The following RBFOX2 variants were observed in gnomAD, a reference collection of about 807,000 sequenced individuals.
The protein encoded by RBFOX2 is RNA binding protein fox-1 homolog 2.
RBFOX2 carries 10 observed loss-of-function variants against 49.1 expected under a neutral mutation model. That is an observed-to-expected ratio of 0.20 (90% CI 0.13 to 0.35). The LOEUF is 0.35. RBFOX2 is among the 10% of genes least tolerant of loss of function. The pLI is 1.00. For synonymous variants in RBFOX2, 183 were observed against 187.4 expected, an observed-to-expected ratio of 0.98 and a Z score of 0.19; for missense variants, 323 against 486.9, an observed-to-expected ratio of 0.66 and a Z score of 3.17.
chr22:35,969,117 T>G (rs935882607), intron 1 of RBFOX2, among the ~76,000 whole-genome samples: 1 of 152,146 alleles, frequency 6.6e-6, no homozygotes, highest in Non-Finnish European at 1.5e-5. Context: ...CAAGAGCCCC[T>G]CATACACTCT....
Position 35,969,955 on chromosome 22 carries a change from T to C in RBFOX2, c.187-31058A>G, listed in dbSNP as rs539602042. The stretch of plus-strand genomic sequence containing the variant: ...CAAATGGACTTGAGGCCATTTATCC[T>C]AGAGTTCTGATAAATTGTAGGAGAT... On this transcript the variant is annotated intron_variant, in intron 1 of 13. Transcript: ENST00000438146. Among the ~76,000 whole-genome samples, 100 of 152,212 alleles carry C rather than the reference T, an allele frequency of 6.6e-4. 1 individual carries two copies. The highest frequency in any genetic ancestry group is 1.1e-3 in the Non-Finnish European group (78 of 68,036).
At chr22:35,991,579 G>A (rs1207555574) in intron 1 of RBFOX2, among the ~76,000 whole-genome samples, 2 of 152,174 alleles carry the variant, frequency 1.3e-5, no homozygotes, top group African/African-American at 4.8e-5. Flanking sequence ...GAAGAGCAGA[G>A]GAGAACAGGG....
chr22:35,961,154 A>T lies in RBFOX2; in HGVS notation c.42+409T>A, dbSNP rs539839188. Among the ~76,000 whole-genome samples the T allele has an allele frequency of 3.9e-5, 6 of 152,188 alleles. No individual in the cohort carries two copies. In the East Asian group the frequency reaches 1.2e-3, roughly 29 times the overall value. On this transcript the variant is annotated intron_variant, in intron 1 of 5. Transcript: ENST00000408983. ...TTATTTATATACACCCATCCATATA[A>T]AAAAAATACCATCAGCAGGCATTAA...
At chr22:35,794,638 A>T (rs1270497902) in intron 2 of RBFOX2, among the ~76,000 whole-genome samples, 1 of 152,058 alleles carries the variant, frequency 6.6e-6, no homozygotes, top group Non-Finnish European at 1.5e-5. Context: ...AGCCTGGGTA[A>T]CAGAGTAAGA....
intron 2 of RBFOX2, among the ~76,000 whole-genome samples, chr22:35,808,262 T>C (rs1250279826): frequency 6.7e-6 from 1 of 149,560 alleles, no homozygotes; most frequent in African/African-American, 2.6e-5. Context: ...TCTCGTTTGT[T>C]ACCTATCAAG....
At chr22:35,835,256 T>C (rs979118524) in intron 1 of RBFOX2, among the ~76,000 whole-genome samples, 1 of 152,084 alleles carries the variant, frequency 6.6e-6, no homozygotes, top group Admixed American at 6.6e-5. Flanking sequence ...ACCAATAATG[T>C]CAGATCCCGG....
intron 1 of RBFOX2, among the ~76,000 whole-genome samples, chr22:35,827,933 G>A (rs1029610620): frequency 6.6e-6 from 1 of 152,130 alleles, no homozygotes; most frequent in South Asian, 2.1e-4. Context: ...TTGGGAGGCC[G>A]AGGTGGGCAG....
At chr22:35,840,085 A>T in intron 1 of RBFOX2, 1 of 1,451,580 alleles carries the variant, frequency 6.9e-7, no homozygotes, top group Non-Finnish European at 9.7e-7. Flanking sequence ...GGTCTGTTCT[A>T]AGAAGACAAT....
chr22:35,777,704 T>G, intron 4 of RBFOX2: 1 of 280,624 alleles, frequency 3.6e-6, no homozygotes, highest in East Asian at 6.6e-5. Context: ...CTTTGCACTT[T>G]TCCTTTAAAC....
chr22:35,996,143 C>G (rs4491824), intron 1 of RBFOX2: 2 of 152,168 alleles, frequency 1.3e-5, no homozygotes, highest in Non-Finnish European at 2.9e-5. Context: ...AGTTTCTTCT[C>G]CCTTCTTACT....
At chr22:35,858,687 G>T (rs779276305) in intron 1 of RBFOX2, among the ~76,000 whole-genome samples, 1 of 151,894 alleles carries the variant, frequency 6.6e-6, no homozygotes, top group Admixed American at 6.6e-5. Context: ...ATAGCTGGGC[G>T]TGGTGGTGGG....
chr22:35,761,643 C>T (rs1423779485), intron 6 of RBFOX2, among the ~76,000 whole-genome samples, 175 bp from the exon 8 acceptor site: 1 of 151,114 alleles, frequency 6.6e-6, no homozygotes, highest in Non-Finnish European at 1.5e-5. Context: ...AACTAGGACA[C>T]AGTGAAGAGA....
At chr22:35,842,974 T>C (rs367657490), upstream of RBFOX2, among the ~76,000 whole-genome samples, 137 of 152,220 alleles carry the variant, frequency 9.0e-4, no homozygotes, top group African/African-American at 3.1e-3. Flanking sequence ...CAGGAAAGAA[T>C]TGGTACAAGC....
At chr22:35,804,651 T>C (rs1042228397) in intron 2 of RBFOX2, among the ~76,000 whole-genome samples, 1 of 152,016 alleles carries the variant, frequency 6.6e-6, no homozygotes, top group South Asian at 2.1e-4. Flanking sequence ...CCAAGAATCC[T>C]ATAGCTAACA....
chr22:35,814,728 A>AAAG (rs1326588537), intron 1 of RBFOX2, among the ~76,000 whole-genome samples: 3 of 150,186 alleles, frequency 2.0e-5, no homozygotes, highest in African/African-American at 7.3e-5. Context: ...AAAAAAAAAA[A>AAAG]AAAAAAAAGA....
At chr22:36,025,050 C>T in intron 1 of RBFOX2, among the ~76,000 whole-genome samples, 1 of 152,154 alleles carries the variant, frequency 6.6e-6, no homozygotes, top group Admixed American at 6.5e-5. Flanking sequence ...TCAGGCGATC[C>T]ACCCGCCTCA....
At chr22:35,878,880 G>A (rs1166835426) in intron 1 of RBFOX2, among the ~76,000 whole-genome samples, 9 of 152,010 alleles carry the variant, frequency 5.9e-5, no homozygotes, top group Admixed American at 4.6e-4. Flanking sequence ...ACAGGCGCCC[G>A]CCACCACACC....
intron 1 of RBFOX2, among the ~76,000 whole-genome samples, chr22:35,817,134 T>C (rs562602461): frequency 6.6e-6 from 1 of 151,568 alleles, no homozygotes; most frequent in South Asian, 2.1e-4. Context: ...CTCCAGGACA[T>C]GTCCTGAAGC....
rs769146319 is a variant in RBFOX2 at position 35,980,188 on chromosome 22, T to C, written c.187-41291A>G. 1.1e-3 allele frequency among the ~76,000 whole-genome samples: 161 copies of C among 152,280 alleles called. 3 individuals carry two copies. Among genetic ancestry groups the C allele is most frequent in the Non-Finnish European group, 8.5e-4 (58 of 68,014 alleles). On this transcript the variant is annotated intron_variant, in intron 1 of 13. Transcript: ENST00000438146. The stretch of plus-strand genomic sequence containing the variant: ...CACAACGGAATATACTTAGGTCATG[T>C]AGGTAAAAGATCCTATGTGATCAAC...
Sources: gnomAD v4.1 joint callset for allele counts (sites outside exome capture counted in the v4.1 genomes callset) on GRCh38, gnomAD v4.1.1 for gene constraint, MANE v1.5 for transcripts, NCBI Gene and HGNC (gene_info 2026-07-23, HGNC 2026-07-21) for gene names.